The following KAZN variants were observed in gnomAD, a reference collection of about 807,000 sequenced individuals.
The protein encoded by KAZN is kazrin.
Under a neutral mutation model 87.4 loss-of-function variants are expected in KAZN, and 40 were observed. The observed-to-expected ratio is 0.46, with a 90% CI of 0.36 to 0.60. The LOEUF is 0.60. KAZN is among the 20% of genes least tolerant of loss of function. The pLI, the probability that KAZN is intolerant of heterozygous loss-of-function variation, is 0.00. For synonymous variants in KAZN, 466 were observed against 458.3 expected, an observed-to-expected ratio of 1.02 and a Z score of -0.22; for missense variants, 898 against 1,073.9, an observed-to-expected ratio of 0.84 and a Z score of 2.29.
At chr1:14,258,035 A>G (rs1237332989) in intron 2 of KAZN, among the ~76,000 whole-genome samples, 1 of 149,790 alleles carries the variant, frequency 6.7e-6, no homozygotes, top group Non-Finnish European at 1.5e-5. Flanking sequence ...AGACAATTTG[A>G]TAGAAGCTCA....
chr1:14,214,279 A>G (rs1015418234), intron 2 of KAZN, among the ~76,000 whole-genome samples: 2 of 152,108 alleles, frequency 1.3e-5, no homozygotes, highest in African/African-American at 4.8e-5. Flanking sequence ...GATCACATAC[A>G]TGAATTTGCT....
chr1:14,383,270 G>T (rs201276589), intron 2 of KAZN, among the ~76,000 whole-genome samples: 1 of 149,002 alleles, frequency 6.7e-6, no homozygotes, highest in Non-Finnish European at 1.5e-5. Context: ...TAGGTTGCCT[G>T]TTCACTCTGA....
At chr1:14,127,668 G>T (rs1429025637) in intron 1 of KAZN, among the ~76,000 whole-genome samples, 1 of 152,152 alleles carries the variant, frequency 6.6e-6, no homozygotes, top group African/African-American at 2.4e-5. Flanking sequence ...CTTGATTCTG[G>T]AGTCTTGCTT....
chr1:14,233,428 C>T (rs1005607861), intron 2 of KAZN, among the ~76,000 whole-genome samples: 4 of 152,202 alleles, frequency 2.6e-5, no homozygotes, highest in Admixed American at 1.3e-4. Flanking sequence ...AGCCACTGCA[C>T]TCAGCTTAGT....
intron 1 of KAZN, among the ~76,000 whole-genome samples, chr1:14,134,977 A>G (rs1183738349): frequency 5.1e-5 from 4 of 78,410 alleles, no homozygotes; most frequent in African/African-American, 8.2e-5. Context: ...CCGCACACAC[A>G]CACACACACA....
intron 1 of KAZN, among the ~76,000 whole-genome samples, chr1:14,842,559 A>G (rs1250327419): frequency 6.6e-6 from 1 of 152,068 alleles, no homozygotes; most frequent in Non-Finnish European, 1.5e-5. Context: ...TTCCCACCAG[A>G]GTGTTTATAT....
intron 1 of KAZN, among the ~76,000 whole-genome samples, chr1:14,704,024 C>T (rs1298080035): frequency 6.6e-6 from 1 of 152,208 alleles, no homozygotes; most frequent in Non-Finnish European, 1.5e-5. Flanking sequence ...CAGACTCACC[C>T]ACCCAGCGTC....
At chr1:14,897,428 C>A (rs976057592) in intron 1 of KAZN, among the ~76,000 whole-genome samples, 1 of 152,090 alleles carries the variant, frequency 6.6e-6, no homozygotes, top group Non-Finnish European at 1.5e-5. Flanking sequence ...CCCAGAACCC[C>A]TTTACTCTTG....
chr1:14,803,500 G>A (rs1160002853), intron 1 of KAZN, among the ~76,000 whole-genome samples: 1 of 152,200 alleles, frequency 6.6e-6, no homozygotes, highest in South Asian at 2.1e-4. Flanking sequence ...TGTCTAGCTG[G>A]GCGGGAGAGG....
chr1:13,942,797 A>G (rs140113987), intron 1 of KAZN, among the ~76,000 whole-genome samples: 63 of 152,326 alleles, frequency 4.1e-4, no homozygotes, highest in African/African-American at 1.4e-3. Flanking sequence ...AAATAGCTAG[A>G]ATCTATAAAA....
At chr1:15,034,088 G>C (rs1356604817) in intron 2 of KAZN, among the ~76,000 whole-genome samples, 7 of 152,144 alleles carry the variant, frequency 4.6e-5, no homozygotes, top group Admixed American at 4.6e-4. Context: ...TTGCAAGAGA[G>C]ACTTGTATAT....
chr1:14,119,030 A>G (rs1191440513), intron 1 of KAZN, among the ~76,000 whole-genome samples: 1 of 151,778 alleles, frequency 6.6e-6, no homozygotes, highest in African/African-American at 2.4e-5. Context: ...TTGCAAAACA[A>G]ACAAAAAAAA....
rs148486157 is a variant in KAZN, at chr1:14,880,116, G to A, written c.227-80568G>A. On this transcript the variant is annotated intron_variant, in intron 1 of 14. Transcript: ENST00000376030. ...AGGTTCTGTCGTATGCATGAAGGAT[G>A]CAGGGACTGGAGGGAGGAGAGTTAT... Among the ~76,000 whole-genome samples the A allele has an allele frequency of 1.3e-3, 202 of 152,304 alleles. 1 individual carries two copies. Among genetic ancestry groups the A allele is most frequent in the South Asian group, 9.1e-3 (44 of 4,822 alleles).
chr1:14,435,114 C>G (rs1666304752), intron 2 of KAZN, among the ~76,000 whole-genome samples: 1 of 152,154 alleles, frequency 6.6e-6, no homozygotes, highest in Non-Finnish European at 1.5e-5. Context: ...CCCTTGAGTC[C>G]TAGCCCTCTG....
At chr1:13,934,001 G>T (rs1640626919) in intron 1 of KAZN, among the ~76,000 whole-genome samples, 1 of 152,128 alleles carries the variant, frequency 6.6e-6, no homozygotes, top group East Asian at 1.9e-4. Context: ...TTGAAGTCAA[G>T]AAAAGAAAGA....
intron 10 of KAZN, among the ~76,000 whole-genome samples, chr1:15,095,445 G>A (rs908518023): frequency 6.6e-6 from 1 of 152,202 alleles, no homozygotes; most frequent in Non-Finnish European, 1.5e-5. Context: ...TGGGATGGCT[G>A]CAGGGCCTTC....
rs987866259 is a variant in KAZN at position 15,041,433 on chromosome 1, G to A, written c.556-2556G>A. ...GCTCACTGCAACCTCCGCCTCCCAG[G>A]TTCAAGCGATTCTCCTGCCTCAGCC... is the stretch of plus-strand genomic sequence containing the variant. On this transcript the variant is annotated intron_variant, in intron 3 of 14. Coordinates refer to ENST00000376030, the MANE Select transcript of KAZN (RefSeq NM_201628.3). 5.4e-5 allele frequency among the ~76,000 whole-genome samples: 8 copies of A among 149,172 alleles called. No homozygotes were observed. The Admixed American group carries it at 5.4e-4, about 10-fold the overall frequency.
At chr1:14,569,859 T>G (rs982635570) in intron 2 of KAZN, among the ~76,000 whole-genome samples, 1 of 151,258 alleles carries the variant, frequency 6.6e-6, no homozygotes. Flanking sequence ...ACACCTGTAA[T>G]CCCAGCACTT....
chr1:14,365,192 C>T (rs867426831), intron 2 of KAZN, among the ~76,000 whole-genome samples: 38 of 152,088 alleles, frequency 2.5e-4, no homozygotes, highest in African/African-American at 7.7e-4. Flanking sequence ...TACAAGTGCC[C>T]GCCACCATGC....
Sources: allele counts gnomAD v4.1 joint callset (sites outside exome capture counted in the v4.1 genomes callset), GRCh38; gene constraint gnomAD v4.1.1; transcripts MANE v1.5; gene names NCBI Gene and HGNC (gene_info 2026-07-23, HGNC 2026-07-21).